Variants in LRRC4B observed in about 807,000 individuals in gnomAD.
The protein encoded by LRRC4B is leucine-rich repeat-containing protein 4B.
In LRRC4B, 1 loss-of-function variant was observed where a neutral mutation model predicts 7.3. The ratio of observed to expected loss-of-function variants is 0.14; its 90% confidence interval spans 0.05 to 0.65. The LOEUF is 0.65. LRRC4B is among the 30% of genes least tolerant of loss of function. The probability of loss-of-function intolerance (pLI) is 0.84; values close to 1 mark genes in which losing one functional copy is unlikely to be tolerated. For missense variants in LRRC4B, 730 were observed against 1,041.6 expected (o/e 0.70, Z 4.12); for synonymous variants, 500 against 499.2 (o/e 1.00, Z -0.02).
At chr19:50,520,406 G>C (rs1394272561) in intron 2 of LRRC4B, among the ~76,000 whole-genome samples, 2 of 151,706 alleles carry the variant, frequency 1.3e-5, no homozygotes, top group Non-Finnish European at 2.9e-5. Context: ...GCAGTGGGTG[G>C]ATCACCTGAG....
chr19:50,532,401 C>G (rs1479490146), intron 2 of LRRC4B, among the ~76,000 whole-genome samples: 2 of 152,196 alleles, frequency 1.3e-5, no homozygotes, highest in East Asian at 3.8e-4. Context: ...GGCTATCACC[C>G]TCGACAAAGT....
intron 2 of LRRC4B, among the ~76,000 whole-genome samples, chr19:50,535,451 C>T (rs73062170): frequency 0.16 from 23,730 of 152,242 alleles, 2,031 homozygotes; most frequent in Middle Eastern, 0.19. Context: ...GGATTACAGA[C>T]GTGAACCACT....
intron 1 of LRRC4B, among the ~76,000 whole-genome samples, chr19:50,559,635 G>A (rs1365472085): frequency 6.6e-6 from 1 of 152,222 alleles, no homozygotes; most frequent in Non-Finnish European, 1.5e-5. Flanking sequence ...GTTGGGAGGG[G>A]CGTGGCCCCC....
chr19:50,565,903 T>C (rs972469033), intron 1 of LRRC4B, among the ~76,000 whole-genome samples: 1 of 151,852 alleles, frequency 6.6e-6, no homozygotes, highest in Non-Finnish European at 1.5e-5. Flanking sequence ...TAATTGCCTG[T>C]ATGTGTGTTT....
At chr19:50,551,984 G>T (rs955301809) in intron 1 of LRRC4B, among the ~76,000 whole-genome samples, 5 of 151,894 alleles carry the variant, frequency 3.3e-5, no homozygotes, top group African/African-American at 7.3e-5. Flanking sequence ...CTAATCAAAG[G>T]CTCCGTTATC....
At position 50,556,165 on chromosome 19, in the gene LRRC4B, G is replaced by C. The variant is rs1034384900; in HGVS notation, c.-35-7292C>G. On this transcript the variant is annotated intron_variant, in intron 1 of 2. Coordinates refer to ENST00000652263, the MANE Select transcript of LRRC4B (RefSeq NM_001080457.2). The surrounding 1 kb of genome is among the most constrained non-coding windows in gnomAD (Gnocchi z 4.2). ...CCCCCTAGGAGCTGCTGATGAGGAA[G>C]CAGGACTAGGGGCTTGGCTCAGCTC... Among the ~76,000 whole-genome samples the C allele has an allele frequency of 2.0e-5, 3 of 152,150 alleles. No homozygotes were observed. In the South Asian group the frequency reaches 6.2e-4, roughly 31 times the overall value.
In LRRC4B at chr19:50,568,406, C is replaced by G. The variant is rs1008474165; in HGVS notation, c.-498G>C. 2.1e-5 allele frequency among the ~76,000 whole-genome samples: 3 copies of G among 142,916 alleles called. No homozygotes were observed. Among genetic ancestry groups the G allele is most frequent in the African/African-American group, 7.8e-5 (3 of 38,328 alleles). 93.8% of individuals were successfully genotyped at this position (142,916 alleles called of 152,430 possible). ...CGGTGCGGCAGCGACCGAGAGCAGC[C>G]GAGAGCGGCGGAGACGGGAGCGGAA... On this transcript the variant is annotated 5_prime_UTR_variant, in exon 1 of 3. Coordinates refer to ENST00000652263, the MANE Select transcript of LRRC4B (RefSeq NM_001080457.2).
Position 50,537,433 on chromosome 19 carries a change from A to G in LRRC4B, c.297+11109T>C, listed in dbSNP as rs992183947. The stretch of plus-strand genomic sequence containing the variant: ...GCTGAGCTGTAGAAATAATTGGTCT[A>G]TTTTCTAGACGAGAAGGCAGGCTCA... On this transcript the variant is annotated intron_variant, in intron 2 of 2. Transcript: ENST00000652263. The surrounding 1 kb of genome is among the most constrained non-coding windows in gnomAD (Gnocchi z 5.5). Among the ~76,000 whole-genome samples, 2 of 152,066 alleles carry G rather than the reference A, an allele frequency of 1.3e-5. No homozygotes were observed. The highest frequency in any genetic ancestry group is 2.4e-5 in the African/African-American group (1 of 41,362).
intron 2 of LRRC4B, among the ~76,000 whole-genome samples, chr19:50,536,522 T>C (rs1479673739): frequency 6.6e-6 from 1 of 152,092 alleles, no homozygotes; most frequent in Non-Finnish European, 1.5e-5. Flanking sequence ...GGGCCTCGGG[T>C]GGTGCCTGGC....
intron 2 of LRRC4B, among the ~76,000 whole-genome samples, chr19:50,527,698 CTG>C (rs1306073383): frequency 6.6e-6 from 1 of 150,976 alleles, no homozygotes; most frequent in Non-Finnish European, 1.5e-5. Context: ...TCCTTTCTCT[CTG>C]TCTCTTTCCC....
chr19:50,535,090 G>T (rs957628586), intron 2 of LRRC4B, among the ~76,000 whole-genome samples: 5 of 151,978 alleles, frequency 3.3e-5, no homozygotes, highest in African/African-American at 9.7e-5. Flanking sequence ...GGATGGTCTC[G>T]ATCTCCTGAC....
At chr19:50,538,210 G>A (rs999096538) in intron 2 of LRRC4B, among the ~76,000 whole-genome samples, 1 of 152,150 alleles carries the variant, frequency 6.6e-6, no homozygotes, top group Admixed American at 6.5e-5. Context: ...CTACAGGCAC[G>A]CACTACCACT....
intron 2 of LRRC4B, among the ~76,000 whole-genome samples, chr19:50,541,768 A>G (rs1981560455): frequency 6.6e-6 from 1 of 152,184 alleles, no homozygotes. Context: ...CGGCCCGGCA[A>G]TTCCCTCTGG....
chr19:50,556,252 G>C lies in LRRC4B; in HGVS notation c.-35-7379C>G, dbSNP rs570668324. Among the ~76,000 whole-genome samples the C allele has an allele frequency of 3.2e-4, 49 of 151,930 alleles. No homozygotes were observed. The highest frequency in any genetic ancestry group is 1.1e-3 in the African/African-American group (47 of 41,436). ...ACCAACAGGCGGCCCGTGCAGTGGG[G>C]GTGCAGTCGGGGTGGGGGTGAGGTG... On this transcript the variant is annotated intron_variant, in intron 1 of 2. Transcript: ENST00000652263. The surrounding 1 kb of genome is among the most constrained non-coding windows in gnomAD (Gnocchi z 4.2).
chr19:50,518,094 G>A lies in LRRC4B; in HGVS notation c.1619C>T (p.Ala540Val), dbSNP rs976544082. 21 of 1,597,106 alleles carry A rather than the reference G, an allele frequency of 1.3e-5. No homozygotes were observed. The highest frequency in any genetic ancestry group is 1.8e-5 in the Non-Finnish European group (21 of 1,174,636). The change falls in exon 3 of 3, where the codon GCA (alanine) becomes GTA (valine). Residue 540 changes from alanine (A) to valine (V), a missense_variant. Physicochemically the swap from Ala to Val is moderately conservative, Grantham distance 64. Around this residue, in one of 6 missense-constraint regions of LRRC4B, gnomAD observed 192 missense variants for 228.6 expected, o/e 0.84. Coordinates refer to ENST00000652263, the MANE Select transcript of LRRC4B (RefSeq NM_001080457.2). ...GGGCCGCGAGGAGCGCGGGGCGGGT[G>A]CCGTGGTAGAAGACGAGGCAGGGCC... The part of the protein sequence containing the change: ...AAGPASSSTT[A>V]PAPRSSRPTE...
Position 50,548,263 on chromosome 19 carries a change from C to T in LRRC4B, c.297+279G>A, listed in dbSNP as rs995883250. ...CTCCAGGGCTCGGCCTAGGCCGACC[C>T]GCCTGTCCTGTGCCGGGGGGGCTGG... is the stretch of plus-strand genomic sequence containing the variant. On this transcript the variant is annotated intron_variant, in intron 2 of 2. Transcript: ENST00000652263. This position sits in a 1 kb window ranked among gnomAD's most constrained non-coding sequence, Gnocchi z 6.8. Among the ~76,000 whole-genome samples, 4 of 152,234 alleles carry T rather than the reference C, an allele frequency of 2.6e-5. No individual in the cohort carries two copies. The highest frequency in any genetic ancestry group is 7.2e-5 in the African/African-American group (3 of 41,472).
chr19:50,558,557 C>G (rs1417627071), intron 1 of LRRC4B, among the ~76,000 whole-genome samples: 1 of 152,250 alleles, frequency 6.6e-6, no homozygotes, highest in African/African-American at 2.4e-5. Context: ...GCATCACTGT[C>G]AAACAGACTC....
At chr19:50,532,886 C>T (rs763443806) in intron 2 of LRRC4B, among the ~76,000 whole-genome samples, 5 of 152,174 alleles carry the variant, frequency 3.3e-5, no homozygotes, top group East Asian at 1.9e-4. Context: ...GTTTCCCTCA[C>T]GCTTTTTGGC....
In LRRC4B at chr19:50,563,234, C is replaced by T. The variant is rs541854576; in HGVS notation, c.-36+4710G>A. On this transcript the variant is annotated intron_variant, in intron 1 of 2. Coordinates refer to ENST00000652263, the MANE Select transcript of LRRC4B (RefSeq NM_001080457.2). This position sits in a 1 kb window ranked among gnomAD's most constrained non-coding sequence, Gnocchi z 4.9. ...CCTCTGCCTGCCATGACAACAGTTG[C>T]GCGTGGGTTTCCAGGCAACAAGGGG... 2.5e-4 allele frequency among the ~76,000 whole-genome samples: 38 copies of T among 152,230 alleles called. No homozygotes were observed. Among genetic ancestry groups the T allele is most frequent in the Middle Eastern group, 3.4e-3 (1 of 292 alleles).
Sources: allele counts gnomAD v4.1 joint callset (sites outside exome capture counted in the v4.1 genomes callset), GRCh38; gene constraint gnomAD v4.1.1; regional missense constraint gnomAD v4.1.1; non-coding constraint Gnocchi (gnomAD v3.1); transcripts MANE v1.5; gene names NCBI Gene and HGNC (gene_info 2026-07-23, HGNC 2026-07-21).